Variants in ACSS3 observed in about 807,000 individuals in gnomAD.
ACSS3 encodes the protein acyl-CoA synthetase short-chain family member 3, mitochondrial.
ACSS3 carries 64 observed loss-of-function variants against 84.2 expected under a neutral mutation model. That is an observed-to-expected ratio of 0.76 (90% CI 0.62 to 0.94). The LOEUF (loss-of-function observed/expected upper bound fraction) is 0.94. Among genes scored for constraint, ACSS3 ranks in the 40% least tolerant of loss-of-function variants. The pLI is 0.00. For missense variants in ACSS3, 815 were observed against 867.6 expected (o/e 0.94, Z 0.76); for synonymous variants, 317 against 310.1 (o/e 1.02, Z -0.23).
intron 9 of ACSS3, among the ~76,000 whole-genome samples, chr12:81,207,438 C>T (rs893930339): frequency 2.0e-5 from 3 of 152,182 alleles, no homozygotes; most frequent in Non-Finnish European, 4.4e-5. Context: ...AATTCAGCCA[C>T]TTACTCTATA....
At chr12:81,109,231 C>T (rs1883356541) in intron 1 of ACSS3, among the ~76,000 whole-genome samples, 1 of 152,154 alleles carries the variant, frequency 6.6e-6, no homozygotes, top group South Asian at 2.1e-4. Flanking sequence ...ACTTACATAC[C>T]ATTTATTTCA....
rs1432435720 is a variant in ACSS3 at position 81,199,726 on chromosome 12, C to T, written c.1354+282C>T. ...TCTTATATCTGGTAAGTTACTAAGT[C>T]TCAGATTTTCCTTTGAAGTGTCTGT... On this transcript the variant is annotated intron_variant, in intron 9 of 15. Coordinates refer to ENST00000548058, the MANE Select transcript of ACSS3 (RefSeq NM_024560.4). 2.3e-6 allele frequency: 3 copies of T among 1,319,156 alleles called. No individual in the cohort carries two copies. In the African/African-American group the frequency reaches 4.5e-5, roughly 20 times the overall value. The allele number at this position is 1,319,156 out of a possible 1,614,324, so 81.7% of individuals were successfully genotyped here.
At chr12:81,125,495 A>G (rs1593094655) in intron 2 of ACSS3, 2 of 152,196 alleles carry the variant, frequency 1.3e-5, no homozygotes, top group Admixed American at 6.5e-5. Context: ...CTTAACTTCT[A>G]TATACCATTC....
chr12:81,249,319 A>T (rs1186134832), intron 13 of ACSS3, among the ~76,000 whole-genome samples: 1 of 152,052 alleles, frequency 6.6e-6, no homozygotes, highest in Admixed American at 6.6e-5. Flanking sequence ...AAAGAAATGT[A>T]CAGGAAACAA....
intron 13 of ACSS3, among the ~76,000 whole-genome samples, chr12:81,242,155 A>C (rs1329089921): frequency 6.6e-6 from 1 of 151,956 alleles, no homozygotes; most frequent in Non-Finnish European, 1.5e-5. Flanking sequence ...TGTAGATGCA[A>C]TAAAAAATGA....
Position 81,156,207 on chromosome 12 carries a change from C to CA in ACSS3, c.1098+4111_1098+4112insA, listed in dbSNP as rs1555176584. Among the ~76,000 whole-genome samples the CA allele has an allele frequency of 5.7e-3, 698 of 122,388 alleles. 4 individuals are homozygous for CA. Among genetic ancestry groups the CA allele is most frequent in the African/African-American group, 0.016 (605 of 38,938 alleles). The allele number at this position is 122,388 out of a possible 152,430, so 80.3% of individuals were successfully genotyped here. Reference sequence around the variant, plus strand: ...GAAAACACACACACACACACACACACCCCACACACACACACACACACACGT... The same window carrying CA: ...GAAAACACACACACACACACACACACACCCACACACACACACACACACACGT... On this transcript the variant is annotated intron_variant, in intron 7 of 15. Transcript: ENST00000548058.
intron 2 of ACSS3, among the ~76,000 whole-genome samples, chr12:81,115,448 G>A (rs1246876227): frequency 2.0e-5 from 3 of 151,770 alleles, no homozygotes; most frequent in African/African-American, 7.3e-5. Flanking sequence ...TGTGCTTAAT[G>A]GACATTTGTC....
intron 1 of ACSS3, among the ~76,000 whole-genome samples, chr12:81,107,511 CATATATATATAT>C (rs566270568): frequency 0.033 from 1,278 of 38,802 alleles, 38 homozygotes; most frequent in Non-Finnish European, 0.044. Context: ...CAAATATATA[CATATATATATAT>C]ATATATATAT....
At chr12:81,079,749 G>C (rs929892685) in intron 1 of ACSS3, among the ~76,000 whole-genome samples, 2 of 152,134 alleles carry the variant, frequency 1.3e-5, no homozygotes, top group African/African-American at 4.8e-5. Context: ...CAGACTACCT[G>C]GTCTGAGTTT....
At chr12:81,231,394 C>G (rs1332017687) in intron 12 of ACSS3, among the ~76,000 whole-genome samples, 2 of 151,746 alleles carry the variant, frequency 1.3e-5, no homozygotes, top group Non-Finnish European at 2.9e-5. Flanking sequence ...ATTTAATAGT[C>G]TTCAGTATCA....
At position 81,078,274 on chromosome 12, in the gene ACSS3, A is replaced by G; in HGVS notation, c.154A>G (p.Arg52Gly). The G allele has an allele frequency of 6.2e-7, 1 of 1,610,986 alleles. No individual in the cohort carries two copies. Among genetic ancestry groups the G allele is most frequent in the South Asian group, 1.1e-5 (1 of 91,038 alleles). ...PRGGLGGRGCRALSSGSGSEY... is the reference protein window; with the variant it reads ...PRGGLGGRGCGALSSGSGSEY... The stretch of plus-strand genomic sequence containing the variant: ...GGGCGGTCTCGGGGGCCGGGGATGC[A>G]GGGCACTGTCCTCCGGCAGTGGCAG... Residue 52 changes from arginine (R) to glycine (G), a missense_variant, in exon 1 of 16, where the codon AGG becomes GGG. Physicochemically the swap from Arg to Gly is moderately radical, Grantham distance 125. Transcript: ENST00000548058.
Position 81,199,206 on chromosome 12 carries a change from A to T in ACSS3, c.1251-135A>T, listed in dbSNP as rs373276792. ...AACAAGAAATGACTCTCATCATTAT[A>T]CAGTGTGATGTATTGGTTATATTGC... On this transcript the variant is annotated intron_variant, in intron 8 of 15. Coordinates refer to ENST00000548058, the MANE Select transcript of ACSS3 (RefSeq NM_024560.4). 4.0e-4 allele frequency: 283 copies of T among 707,382 alleles called. 1 individual carries two copies. The Middle Eastern group carries it at 4.5e-3, about 11-fold the overall frequency. 43.8% of individuals were successfully genotyped at this position (707,382 alleles called of 1,614,324 possible).
At chr12:81,177,238 T>A (rs2030552074) in intron 8 of ACSS3, among the ~76,000 whole-genome samples, 1 of 152,198 alleles carries the variant, frequency 6.6e-6, no homozygotes, top group African/African-American at 2.4e-5. Flanking sequence ...TGGATTCCCT[T>A]TGTAAACCAC....
intron 2 of ACSS3, among the ~76,000 whole-genome samples, chr12:81,117,244 A>C (rs1345819358): frequency 6.6e-6 from 1 of 152,222 alleles, no homozygotes; most frequent in African/African-American, 2.4e-5. Context: ...TATATTTGAC[A>C]CTACTAGAGA....
At chr12:81,242,780 C>A (rs2033852773) in intron 13 of ACSS3, among the ~76,000 whole-genome samples, 1 of 146,536 alleles carries the variant, frequency 6.8e-6, no homozygotes, top group South Asian at 2.2e-4. Flanking sequence ...TCAATAGATG[C>A]AGAAAAGGCC....
chr12:81,082,135 G>A (rs1280373036), intron 1 of ACSS3, among the ~76,000 whole-genome samples: 1 of 152,212 alleles, frequency 6.6e-6, no homozygotes, highest in African/African-American at 2.4e-5. Context: ...ATTGTGTGAT[G>A]TTAAGATTTG....
At chr12:81,159,511 G>T (rs1436820951) in intron 7 of ACSS3, among the ~76,000 whole-genome samples, 1 of 152,166 alleles carries the variant, frequency 6.6e-6, no homozygotes, top group Non-Finnish European at 1.5e-5. Flanking sequence ...AATTCTTGAA[G>T]GAAAATTGGA....
chr12:81,118,248 T>G (rs1004923359), intron 2 of ACSS3, among the ~76,000 whole-genome samples: 2 of 152,198 alleles, frequency 1.3e-5, no homozygotes, highest in Admixed American at 6.5e-5. Flanking sequence ...AATAGTGGCT[T>G]AATTTTTTAA....
intron 13 of ACSS3, among the ~76,000 whole-genome samples, chr12:81,237,082 T>G (rs937742579): frequency 1.3e-5 from 2 of 151,508 alleles, no homozygotes; most frequent in African/African-American, 4.8e-5. Context: ...CTTTAATATA[T>G]AAGTAAAATA....
Sources: allele counts gnomAD v4.1 joint callset (sites outside exome capture counted in the v4.1 genomes callset), GRCh38; gene constraint gnomAD v4.1.1; transcripts MANE v1.5; gene names NCBI Gene and HGNC (gene_info 2026-07-23, HGNC 2026-07-21).